Variants in SPHKAP observed in about 807,000 individuals in gnomAD.
The protein encoded by SPHKAP is A-kinase anchor protein SPHKAP.
In SPHKAP, 67 loss-of-function variants were observed where a neutral mutation model predicts 137.5. The ratio of observed to expected loss-of-function variants is 0.49; its 90% CI spans 0.40 to 0.60. SPHKAP has a LOEUF of 0.60. Ranked by LOEUF, SPHKAP falls within the 20% of genes least tolerant of loss-of-function variation. The probability of loss-of-function intolerance (pLI) is 0.00; values close to 1 mark genes in which losing one functional copy is unlikely to be tolerated. For missense variants in SPHKAP, 2,097 were observed against 2,069.3 expected, an observed-to-expected ratio of 1.01 and a Z score of -0.26; for synonymous variants, 813 against 785.3, an observed-to-expected ratio of 1.04 and a Z score of -0.59.
rs1302771634 is a variant in SPHKAP at position 228,109,072 on chromosome 2, G to GA, written c.139-134dup. 4.2e-5 allele frequency: 25 copies of GA among 596,916 alleles called. No homozygotes were observed. The South Asian group carries it at 4.4e-4, about 10-fold the overall frequency. The allele number at this position is 596,916 out of a possible 1,614,324, so 37.0% of individuals were successfully genotyped here. On this transcript the variant is annotated intron_variant, in intron 2 of 11. Transcript: ENST00000392056. ...TTTTCCTCAGAGCTTCTGGGTGTTA[G>GA]AAAAAAACTTGCAGGATGATAGCAC... is the stretch of plus-strand genomic sequence containing the variant.
In SPHKAP at chr2:228,106,890, C is replaced by T. The variant is rs933020079; in HGVS notation, c.246+1942G>A. Reference sequence around the variant, plus strand: ...ATTAGGGTTAGTTTTTCATAGGGACCCTGAAATTTCCTTTAGGTTTAGAGT... The same window carrying T: ...ATTAGGGTTAGTTTTTCATAGGGACTCTGAAATTTCCTTTAGGTTTAGAGT... On this transcript the variant is annotated intron_variant, in intron 3 of 11. Transcript: ENST00000392056. 3.3e-5 allele frequency among the ~76,000 whole-genome samples: 5 copies of T among 152,170 alleles called. No homozygotes were observed. The South Asian group carries it at 1.0e-3, about 32-fold the overall frequency.
chr2:228,119,673 A>T (rs1304198802), intron 2 of SPHKAP, among the ~76,000 whole-genome samples: 1 of 152,154 alleles, frequency 6.6e-6, no homozygotes, highest in Non-Finnish European at 1.5e-5. Context: ...TTTAAAGCAC[A>T]CTGAACTACT....
chr2:228,117,547 A>G (rs1698751159), intron 2 of SPHKAP, among the ~76,000 whole-genome samples: 2 of 152,184 alleles, frequency 1.3e-5, no homozygotes, highest in East Asian at 3.8e-4. Flanking sequence ...GATGATTGGA[A>G]TGAAGGCAAG....
At chr2:228,150,831 G>A (rs988963106) in intron 1 of SPHKAP, among the ~76,000 whole-genome samples, 2 of 151,856 alleles carry the variant, frequency 1.3e-5, no homozygotes, top group African/African-American at 4.8e-5. Flanking sequence ...GCTCATCACA[G>A]CCTCGATCTC....
Position 228,016,525 on chromosome 2 carries a change from A to G in SPHKAP, c.4329T>C (p.Pro1443=), listed in dbSNP as rs769750192. 23 of 1,613,994 alleles carry G rather than the reference A, an allele frequency of 1.4e-5. No homozygotes were observed. The highest frequency in any genetic ancestry group is 5.9e-6 in the Non-Finnish European group (7 of 1,180,014). ...GGCTGCTTTTGGAAAGGAAGGGTTC[A>G]GGTTCCCCAGCACAGGCTTCTCTCT... The part of the protein sequence containing the change: ...TDQREACAGE[P]EPFLSKSSLL... The change falls in exon 7 of 12, where the codon CCT becomes CCC. Residue 1443 remains proline (P), a synonymous_variant. Coordinates refer to ENST00000392056, the MANE Select transcript of SPHKAP (RefSeq NM_001142644.2).
intron 3 of SPHKAP, among the ~76,000 whole-genome samples, chr2:228,083,908 G>T (rs1697451381): frequency 6.6e-6 from 1 of 151,974 alleles, no homozygotes; most frequent in Non-Finnish European, 1.5e-5. Flanking sequence ...CAGGGAGGGG[G>T]ATATCACACA....
intron 11 of SPHKAP, 47 bp from the exon 12 acceptor site, chr2:227,981,907 CA>C: frequency 6.4e-7 from 1 of 1,571,870 alleles, no homozygotes; most frequent in East Asian, 2.3e-5. Context: ...AGAGGGTCCT[CA>C]AAGCCACCTC....
intron 11 of SPHKAP, among the ~76,000 whole-genome samples, chr2:227,983,492 C>T (rs1039224250): frequency 3.3e-5 from 5 of 152,078 alleles, no homozygotes; most frequent in African/African-American, 9.7e-5. Flanking sequence ...ACAGCAATCT[C>T]CCAGCAGAAG....
chr2:228,017,335 G>T lies in SPHKAP; in HGVS notation c.3519C>A (p.His1173Gln). 5.0e-6 allele frequency: 8 copies of T among 1,613,896 alleles called. No individual in the cohort carries two copies. The highest frequency in any genetic ancestry group is 6.8e-6 in the Non-Finnish European group (8 of 1,179,928). Residue 1173 changes from histidine (H) to glutamine (Q), a missense_variant, in exon 7 of 12, where the codon CAC becomes CAA. His to Gln is a conservative substitution (Grantham distance 24). Transcript: ENST00000392056. ...AMQQACRKSDHLSVRPSCPSK... is the reference protein window; with the variant it reads ...AMQQACRKSDQLSVRPSCPSK... ...AGGGACAGCTAGGCCTCACACTGAG[G>T]TGGTCACTTTTCCGGCACGCCTGTT...
chr2:227,984,250 AG>A (rs1693123544), intron 11 of SPHKAP, among the ~76,000 whole-genome samples: 1 of 149,476 alleles, frequency 6.7e-6, no homozygotes, highest in Non-Finnish European at 1.5e-5. Flanking sequence ...CAGTGAGCTG[AG>A]ATTTCACCAC....
chr2:228,061,103 A>C (rs557069041), intron 3 of SPHKAP, among the ~76,000 whole-genome samples: 8 of 152,088 alleles, frequency 5.3e-5, no homozygotes, highest in Non-Finnish European at 1.2e-4. Flanking sequence ...TTCTTTTCTT[A>C]GTGTTAAACC....
chr2:228,102,645 T>C (rs1314368702), intron 3 of SPHKAP, among the ~76,000 whole-genome samples: 1 of 152,240 alleles, frequency 6.6e-6, no homozygotes, highest in Non-Finnish European at 1.5e-5. Flanking sequence ...CTCCATACAG[T>C]ATTTACTGAA....
At chr2:227,983,997 C>T (rs1368438393) in intron 11 of SPHKAP, among the ~76,000 whole-genome samples, 1 of 152,078 alleles carries the variant, frequency 6.6e-6, no homozygotes, top group East Asian at 1.9e-4. Context: ...TCCCATCAGT[C>T]TCAGTGTTAG....
At chr2:228,116,006 C>T (rs1382029373) in intron 2 of SPHKAP, among the ~76,000 whole-genome samples, 1 of 152,126 alleles carries the variant, frequency 6.6e-6, no homozygotes, top group Non-Finnish European at 1.5e-5. Context: ...CAAAAAGGCA[C>T]CATCTATGGA....
chr2:228,017,289 T>G lies in SPHKAP; in HGVS notation c.3565A>C (p.Ser1189Arg). Residue 1189 changes from serine (S) to arginine (R), a missense_variant, in exon 7 of 12, where the codon AGC becomes CGC. Transcript: ENST00000392056. ...SCPSKQSSTE[S>R]ITEEFYRYML... is the part of the protein sequence containing the mutation. ...TACCTGTAGAACTCCTCAGTGATGC[T>G]CTCTGTGCTGGACTGCTTAGAGGGA... The G allele has an allele frequency of 6.2e-7, 1 of 1,614,084 alleles. No individual in the cohort carries two copies. The highest frequency in any genetic ancestry group is 8.5e-7 in the Non-Finnish European group (1 of 1,180,022).
chr2:228,025,593 CT>C lies in SPHKAP; in HGVS notation c.307-66del. ...TTCACCAAATACTACTCACAAACTA[CT>C]TTACCTTCAGAAATAATACTCATAA... On this transcript the variant is annotated intron_variant, in intron 4 of 11. Transcript: ENST00000392056. 23 of 1,576,726 alleles carry C rather than the reference CT, an allele frequency of 1.5e-5. No homozygotes were observed. In the South Asian group the frequency reaches 2.4e-4, roughly 17 times the overall value.
At chr2:228,163,772 C>T (rs1427730210) in intron 1 of SPHKAP, among the ~76,000 whole-genome samples, 1 of 152,098 alleles carries the variant, frequency 6.6e-6, no homozygotes, top group African/African-American at 2.4e-5. Flanking sequence ...TCCAGATGTC[C>T]TTGAAACTCA....
At chr2:228,063,202 A>C (rs868098873) in intron 3 of SPHKAP, among the ~76,000 whole-genome samples, 1 of 126,838 alleles carries the variant, frequency 7.9e-6, no homozygotes, top group Non-Finnish European at 1.7e-5. Context: ...CTGTCTATCT[A>C]TCTATCTATT....
At position 228,021,858 on chromosome 2, in the gene SPHKAP, G is replaced by A. The variant is rs371967516; in HGVS notation, c.550C>T (p.Leu184=). The change falls in exon 6 of 12, where the codon CTG becomes TTG. Residue 184 remains leucine, a synonymous_variant. Coordinates refer to ENST00000392056, the MANE Select transcript of SPHKAP (RefSeq NM_001142644.2). The part of the protein sequence containing the change: ...EINKFLIGLE[L]VQERQLHLET... The stretch of plus-strand genomic sequence containing the variant: ...AGGTGGAGCTGTCGCTCCTGCACCA[G>A]TTCCAGACCAATCAGAAATTTGTTG... The A allele has an allele frequency of 1.2e-5, 20 of 1,614,036 alleles. No individual in the cohort carries two copies. The African/African-American group carries it at 2.7e-4, about 22-fold the overall frequency.
Sources: gnomAD v4.1 joint callset for allele counts (sites outside exome capture counted in the v4.1 genomes callset) on GRCh38, gnomAD v4.1.1 for gene constraint, MANE v1.5 for transcripts, NCBI Gene and HGNC (gene_info 2026-07-23, HGNC 2026-07-21) for gene names.